Variants in TSC22D1 observed in about 807,000 individuals in gnomAD.
TSC22D1 encodes the protein TSC22 domain family protein 1.
TSC22D1 carries 9 observed loss-of-function variants against 74.2 expected under a neutral mutation model. The ratio of observed to expected loss-of-function variants is 0.12; its 90% CI spans 0.07 to 0.21. TSC22D1 has a LOEUF of 0.21. Among genes scored for constraint, TSC22D1 ranks in the 10% least tolerant of loss-of-function variants. TSC22D1 has a pLI of 1.00. For missense variants in TSC22D1, 1,427 were observed against 1,304.7 expected, an observed-to-expected ratio of 1.09 and a Z score of -1.44; for synonymous variants, 586 against 492.5, an observed-to-expected ratio of 1.19 and a Z score of -2.51.
intron 1 of TSC22D1, among the ~76,000 whole-genome samples, chr13:44,540,810 AT>A (rs1406762017): frequency 6.6e-6 from 1 of 152,154 alleles, no homozygotes; most frequent in Non-Finnish European, 1.5e-5. Context: ...GGAGAATAAG[AT>A]AGGCAGATAC....
At chr13:44,446,769 G>GAAGAAGAGGAA (rs1875679429) in intron 1 of TSC22D1, among the ~76,000 whole-genome samples, 1 of 143,388 alleles carries the variant, frequency 7.0e-6, no homozygotes, top group African/African-American at 2.6e-5. Context: ...AAGAAGAAGA[G>GAAGAAGAGGAA]GAAGAAGAGG....
intron 1 of TSC22D1, among the ~76,000 whole-genome samples, chr13:44,479,929 C>T (rs1478410584): frequency 6.6e-6 from 1 of 152,158 alleles, no homozygotes; most frequent in Non-Finnish European, 1.5e-5. Context: ...CTGGCCCTAT[C>T]AAGGACTGCT....
At chr13:44,469,303 G>A (rs9595130) in intron 1 of TSC22D1, among the ~76,000 whole-genome samples, 17,745 of 151,950 alleles carry the variant, frequency 0.12, 1,122 homozygotes, top group African/African-American at 0.16. Context: ...CCTTCATAAA[G>A]ACAAATACAT....
At chr13:44,467,077 G>T (rs1211526711) in intron 1 of TSC22D1, among the ~76,000 whole-genome samples, 1 of 152,008 alleles carries the variant, frequency 6.6e-6, no homozygotes, top group African/African-American at 2.4e-5. Context: ...CAGGAGAATT[G>T]CTTGAACACG....
At chr13:44,494,693 C>T (rs1878885004) in intron 1 of TSC22D1, among the ~76,000 whole-genome samples, 1 of 152,004 alleles carries the variant, frequency 6.6e-6, no homozygotes, top group Non-Finnish European at 1.5e-5. Context: ...ATAAAATGTC[C>T]AGTTTTCAAA....
chr13:44,438,633 CAA>C (rs1483812334), intron 1 of TSC22D1, among the ~76,000 whole-genome samples: 4 of 151,820 alleles, frequency 2.6e-5, no homozygotes, highest in African/African-American at 9.7e-5. Flanking sequence ...TTTTGAATAA[CAA>C]TAATTGTTAA....
chr13:44,459,043 C>T (rs1028646154), intron 1 of TSC22D1, among the ~76,000 whole-genome samples: 1 of 152,174 alleles, frequency 6.6e-6, no homozygotes, highest in Non-Finnish European at 1.5e-5. Flanking sequence ...AGCCTGGGGG[C>T]TGGGCTGCCA....
intron 1 of TSC22D1, among the ~76,000 whole-genome samples, chr13:44,449,005 A>T (rs1236531062): frequency 1.6e-4 from 25 of 152,122 alleles, no homozygotes; most frequent in African/African-American, 6.0e-4. Context: ...ATTGAAAGCC[A>T]CCCATTTTAC....
chr13:44,435,186 A>C (rs567806230), intron 2 of TSC22D1: 1 of 265,790 alleles, frequency 3.8e-6, no homozygotes, highest in African/African-American at 2.2e-5. Context: ...TGAGACCAGC[A>C]GCGGGGACGT....
rs1419869456 is a variant in TSC22D1, at chr13:44,573,768, T to C, written c.2307A>G (p.Gln769=). ...PPSSQVVPPA[Q]TGIIHQGVQT... is the part of the protein sequence containing the mutation. The stretch of plus-strand genomic sequence containing the variant: ...GAACTCCCTGATGAATAATCCCAGT[T>C]TGAGCAGGTGGAACCACTTGCGAAG... The change falls in exon 1 of 3, where the codon CAA becomes CAG. Residue 769 remains glutamine, a synonymous_variant. Coordinates refer to ENST00000458659, the MANE Select transcript of TSC22D1 (RefSeq NM_183422.4). The C allele has an allele frequency of 7.4e-6, 12 of 1,614,098 alleles. No homozygotes were observed. The highest frequency in any genetic ancestry group is 7.6e-6 in the Non-Finnish European group (9 of 1,180,038).
intron 1 of TSC22D1, among the ~76,000 whole-genome samples, chr13:44,468,072 C>T (rs1406532326): frequency 6.6e-6 from 1 of 152,000 alleles, no homozygotes; most frequent in African/African-American, 2.4e-5. Flanking sequence ...TCTTTTGCAG[C>T]AACTTGGACA....
intron 1 of TSC22D1, among the ~76,000 whole-genome samples, chr13:44,483,815 C>T (rs1365132603): frequency 2.6e-5 from 4 of 152,198 alleles, no homozygotes; most frequent in East Asian, 1.9e-4. Context: ...AGATGCTGGA[C>T]TTGGAATATG....
chr13:44,473,333 A>G (rs967210956), intron 1 of TSC22D1, among the ~76,000 whole-genome samples: 1 of 151,936 alleles, frequency 6.6e-6, no homozygotes, highest in Non-Finnish European at 1.5e-5. Flanking sequence ...CATCTCTACA[A>G]AAAATACAAA....
Position 44,432,272 on chromosome 13 carries a change from C to G in TSC22D1, c.*2354G>C, listed in dbSNP as rs529766055. 1 of 152,138 alleles carries G rather than the reference C, an allele frequency of 6.6e-6. No homozygotes were observed. Among genetic ancestry groups the G allele is most frequent in the African/African-American group, 2.4e-5 (1 of 41,420 alleles). The allele number at this position is 152,138 out of a possible 1,614,324, so 9.4% of individuals were successfully genotyped here. A position where few individuals can be genotyped will look rare whatever the true frequency, so the allele number is the denominator to read the frequency against. On this transcript the variant is annotated 3_prime_UTR_variant, in exon 3 of 3. Transcript: ENST00000458659. ...AATAATGGAGAAAAAAACTTCTCCA[C>G]CATCTTAATACACTGACATGAGATT...
intron 1 of TSC22D1, among the ~76,000 whole-genome samples, chr13:44,482,313 T>A (rs2137934931): frequency 6.6e-6 from 1 of 152,210 alleles, no homozygotes; most frequent in African/African-American, 2.4e-5. Flanking sequence ...GGCAAGTGGA[T>A]CACCTGAGGT....
In TSC22D1 at chr13:44,433,860, A is replaced by G; in HGVS notation, c.*766T>C. Reference sequence around the variant, plus strand: ...CATGTAGCAGTTTTTATGTAGATCTATATATAAAAGTCCACACCTCCTCAG... The same window carrying G: ...CATGTAGCAGTTTTTATGTAGATCTGTATATAAAAGTCCACACCTCCTCAG... On this transcript the variant is annotated 3_prime_UTR_variant, in exon 3 of 3. Coordinates refer to ENST00000458659, the MANE Select transcript of TSC22D1 (RefSeq NM_183422.4). 2.2e-6 allele frequency: 2 copies of G among 907,976 alleles called. No individual in the cohort carries two copies. Among genetic ancestry groups the G allele is most frequent in the Non-Finnish European group, 3.1e-6 (2 of 637,836 alleles). The allele number at this position is 907,976 out of a possible 1,614,324, so 56.2% of individuals were successfully genotyped here. A position where few individuals can be genotyped will look rare whatever the true frequency, so the allele number is the denominator to read the frequency against.
rs777971505 is a variant in TSC22D1 at position 44,575,007 on chromosome 13, G to C, written c.1068C>G (p.Thr356=). The C allele has an allele frequency of 6.2e-7, 1 of 1,614,008 alleles. No individual in the cohort carries two copies. The highest frequency in any genetic ancestry group is 8.5e-7 in the Non-Finnish European group (1 of 1,180,010). The change falls in exon 1 of 3, where the codon ACC becomes ACG. Residue 356 remains threonine (T), a synonymous_variant. Transcript: ENST00000458659. ...AAGVSVGPGV[T]SGVNVNILSG... ...TCAAGATATTCACATTAACACCACTGGTAACTCCAGGCCCAACACTCACAC... is the reference window on the plus strand; with the variant it reads ...TCAAGATATTCACATTAACACCACTCGTAACTCCAGGCCCAACACTCACAC...
intron 1 of TSC22D1, among the ~76,000 whole-genome samples, chr13:44,529,728 A>C (rs564551044): frequency 1.3e-5 from 2 of 152,282 alleles, no homozygotes; most frequent in African/African-American, 4.8e-5. Context: ...ACCTATAGCA[A>C]GGTTGAAGAA....
rs943970981 is a variant in TSC22D1, at chr13:44,574,604, C to T, written c.1471G>A (p.Ala491Thr). The T allele has an allele frequency of 6.2e-7, 1 of 1,614,050 alleles. No homozygotes were observed. Among genetic ancestry groups the T allele is most frequent in the Non-Finnish European group, 8.5e-7 (1 of 1,180,020 alleles). ...TGCTGCTGCACCACCACAGTAGGGG[C>T]TCCCATCTCTCCACTTCCCACACTC... ...TESVGSGEMG[A>T]PTVVVQQQQQ... The change falls in exon 1 of 3, where the codon GCC becomes ACC. Residue 491 changes from alanine (A) to threonine (T), a missense_variant. Ala to Thr is a moderately conservative substitution (Grantham distance 58). Coordinates refer to ENST00000458659, the MANE Select transcript of TSC22D1 (RefSeq NM_183422.4).
Sources: gnomAD v4.1 joint callset for allele counts (sites outside exome capture counted in the v4.1 genomes callset) on GRCh38, gnomAD v4.1.1 for gene constraint, MANE v1.5 for transcripts, NCBI Gene and HGNC (gene_info 2026-07-23, HGNC 2026-07-21) for gene names.